Variants in SDSL observed in about 807,000 individuals in gnomAD.
The protein encoded by SDSL is serine dehydratase-like.
Under a neutral mutation model 27.6 loss-of-function variants are expected in SDSL, and 26 were observed. The ratio of observed to expected loss-of-function variants is 0.94; its 90% confidence interval spans 0.69 to 1.31. SDSL has a LOEUF of 1.31. Ranked by LOEUF, SDSL falls within the 50% of genes most tolerant of loss-of-function variation. The pLI is 0.00. For missense variants in SDSL, 431 were observed against 423.5 expected, an observed-to-expected ratio of 1.02 and a Z score of -0.16; for synonymous variants, 196 against 180.6, an observed-to-expected ratio of 1.09 and a Z score of -0.69.
Position 113,438,037 on chromosome 12 carries a change from C to T in SDSL, c.948C>T (p.Ser316=), listed in dbSNP as rs761954854. ...VIVCGGNNIN[S]RELQALKTHL... ...TGTGTGGAGGCAACAACATCAACAG[C>T]CGAGAGCTGCAGGCTTTGAAAACCC... Residue 316 remains serine (S), a synonymous_variant, in exon 8 of 8, where the codon AGC becomes AGT. Transcript: ENST00000403593. 1.2e-6 allele frequency: 2 copies of T among 1,614,120 alleles called. No homozygotes were observed. The highest frequency in any genetic ancestry group is 2.2e-5 in the East Asian group (1 of 44,874).
intron 5 of SDSL, 44 bp downstream of exon 5, chr12:113,434,266 C>T: frequency 6.9e-7 from 1 of 1,443,744 alleles, no homozygotes; most frequent in East Asian, 2.3e-5. Flanking sequence ...AGCTGGGAGA[C>T]CTTCACTGAG....
chr12:113,432,228 CTTT>C (rs1443430367), intron 4 of SDSL, among the ~76,000 whole-genome samples: 7 of 58,170 alleles, frequency 1.2e-4, no homozygotes, highest in African/African-American at 3.0e-4. Context: ...TTCTTTCTTT[CTTT>C]CTTTCTTTCT....
intron 1 of SDSL, chr12:113,422,716 G>C (rs1326455171): frequency 6.6e-6 from 1 of 152,444 alleles, no homozygotes; most frequent in East Asian, 1.9e-4. Flanking sequence ...CTGCCTGCCA[G>C]AGGGGCAGGG....
intron 2 of SDSL, 93 bp from the exon 3 acceptor site, chr12:113,428,327 G>A (rs1046519177): frequency 7.3e-6 from 10 of 1,374,706 alleles, no homozygotes; most frequent in African/African-American, 1.4e-5. Flanking sequence ...AAGGCGTATT[G>A]GGAGTGGGAT....
rs147912751 is a variant in SDSL, at chr12:113,435,532, T to C, written c.647T>C (p.Leu216Pro). 6.8e-4 allele frequency: 1,092 copies of C among 1,613,672 alleles called. 2 individuals are homozygous for C. Among genetic ancestry groups the C allele is most frequent in the South Asian group, 2.0e-3 (179 of 91,022 alleles). Residue 216 changes from leucine (L) to proline (P), a missense_variant, in exon 6 of 8, where the codon CTG becomes CCG. By Grantham distance (98) the Leu-to-Pro change is moderately conservative (BLOSUM62 -3). Coordinates refer to ENST00000403593, the MANE Select transcript of SDSL (RefSeq NM_001304993.2). Reference protein sequence around the residue: ...CFNAAITAGKLVTLPDITSVA... With the variant: ...CFNAAITAGKPVTLPDITSVA... ...AATGCGGCCATCACAGCCGGCAAGC[T>C]GGTCACACTTCCAGACATCACCAGG... is the stretch of plus-strand genomic sequence containing the variant.
At chr12:113,435,581 T>C in intron 6 of SDSL, 25 bp downstream of exon 6, 1 of 1,591,998 alleles carries the variant, frequency 6.3e-7, no homozygotes, top group South Asian at 1.1e-5. Flanking sequence ...GGGACATTTG[T>C]AGGGGCTGGA....
At chr12:113,424,039 C>G (rs1331480826) in intron 1 of SDSL, among the ~76,000 whole-genome samples, 2 of 152,066 alleles carry the variant, frequency 1.3e-5, no homozygotes, top group East Asian at 3.9e-4. Context: ...CAGAGTTTCC[C>G]TCTTACTCTC....
rs1446886471 is a variant in SDSL at position 113,436,847 on chromosome 12, G to A, written c.768G>A (p.Glu256=). 48 of 1,610,720 alleles carry A rather than the reference G, an allele frequency of 3.0e-5. No homozygotes were observed. Among genetic ancestry groups the A allele is most frequent in the Non-Finnish European group, 4.1e-5 (48 of 1,179,232 alleles). Residue 256 remains glutamate (E), a synonymous_variant, in exon 7 of 8, where the codon GAG becomes GAA. Coordinates refer to ENST00000403593, the MANE Select transcript of SDSL (RefSeq NM_001304993.2). ...KIHSEVVEDT[E]AVSAVQQLLD... is the part of the protein sequence containing the mutation. ...ACTCTGAAGTGGTGGAGGACACCGA[G>A]GCTGTGAGCGCTGTGCAGCAGCTCC...
At chr12:113,429,008 A>G (rs75365039) in intron 3 of SDSL, 152 bp from the exon 4 acceptor site, 48,746 of 909,224 alleles carry the variant, frequency 0.054, 2,339 homozygotes, top group African/African-American at 0.22. Flanking sequence ...GCTCAACCTA[A>G]ATTATGTGTC....
intron 5 of SDSL, 119 bp downstream of exon 5, chr12:113,434,341 C>A: frequency 1.4e-6 from 1 of 735,954 alleles, no homozygotes; most frequent in Non-Finnish European, 2.2e-6. Context: ...GCTTCAAAGC[C>A]AGGCAGACAT....
intron 7 of SDSL, among the ~76,000 whole-genome samples, chr12:113,437,610 T>C (rs1958013949): frequency 6.6e-6 from 1 of 152,096 alleles, no homozygotes; most frequent in Admixed American, 6.5e-5. Flanking sequence ...GATATGTTGA[T>C]GGATGGGTAC....
chr12:113,438,000 T>G lies in SDSL; in HGVS notation c.911T>G (p.Val304Gly), dbSNP rs376833694. 91 of 1,614,006 alleles carry G rather than the reference T, an allele frequency of 5.6e-5. No individual in the cohort carries two copies. Among genetic ancestry groups the G allele is most frequent in the Non-Finnish European group, 6.8e-5 (80 of 1,180,002 alleles). Reference sequence around the variant, plus strand: ...TGCCTGCCCCCTTCCCTGACTTCAGTTGTGGTAATCGTGTGTGGAGGCAAC... The same window carrying G: ...TGCCTGCCCCCTTCCCTGACTTCAGGTGTGGTAATCGTGTGTGGAGGCAAC... ...EGCLPPSLTSVVVIVCGGNNI... is the reference protein window; with the variant it reads ...EGCLPPSLTSGVVIVCGGNNI... Residue 304 changes from valine to glycine, a missense_variant, in exon 8 of 8, where the codon GTT becomes GGT. Coordinates refer to ENST00000403593, the MANE Select transcript of SDSL (RefSeq NM_001304993.2).
In SDSL at chr12:113,434,141, A is replaced by G; in HGVS notation, c.362A>G (p.Asp121Gly). ...AEVQLTGKVW[D>G]EANLRAQELA... ...CCCTTGGTTTCTCTGTAGGTCTGGG[A>G]CGAGGCCAATCTGAGGGCGCAAGAG... The change falls in exon 5 of 8, where the codon GAC becomes GGC. Residue 121 changes from aspartate (D) to glycine (G), a missense_variant. Physicochemically the swap from Asp to Gly is moderately conservative, Grantham distance 94 (BLOSUM62 -1). Transcript: ENST00000403593. 6.2e-7 allele frequency: 1 copy of G among 1,613,528 alleles called. No individual in the cohort carries two copies. Among genetic ancestry groups the G allele is most frequent in the Non-Finnish European group, 8.5e-7 (1 of 1,179,724 alleles).
intron 1 of SDSL, chr12:113,426,109 G>A: frequency 4.5e-6 from 2 of 446,456 alleles, no homozygotes; most frequent in South Asian, 3.1e-5. Flanking sequence ...CCCCCTGCTG[G>A]CACCCTTGTC....
chr12:113,435,803 C>G (rs1477478523), intron 6 of SDSL, among the ~76,000 whole-genome samples: 4 of 152,200 alleles, frequency 2.6e-5, no homozygotes, highest in East Asian at 3.8e-4. Flanking sequence ...CAAAAGCAAT[C>G]CATGTGTGTT....
intron 4 of SDSL, 147 bp downstream of exon 4, chr12:113,429,446 A>G (rs1957892805): frequency 2.2e-6 from 2 of 894,598 alleles, no homozygotes; most frequent in Middle Eastern, 3.0e-4. Context: ...TGAGGGGGGA[A>G]TGAGGTGGGA....
At chr12:113,425,521 C>T (rs540139658) in intron 1 of SDSL, 2 of 377,160 alleles carry the variant, frequency 5.3e-6, no homozygotes, top group East Asian at 7.5e-5. Context: ...CAGCGCCCCC[C>T]CTAGCGGCCA....
chr12:113,423,648 G>A lies in SDSL; in HGVS notation c.-22+1171G>A, dbSNP rs186078605. 3.2e-3 allele frequency among the ~76,000 whole-genome samples: 490 copies of A among 152,294 alleles called. 2 individuals are homozygous for A. Among genetic ancestry groups the A allele is most frequent in the African/African-American group, 0.012 (482 of 41,550 alleles). ...TTCCAGCTACTCAGGAAGCTGAGGT[G>A]GGAGGATTGCTTGAGCCCGGGACTT... is the stretch of plus-strand genomic sequence containing the variant. On this transcript the variant is annotated intron_variant, in intron 1 of 7. Coordinates refer to ENST00000403593, the MANE Select transcript of SDSL (RefSeq NM_001304993.2).
At chr12:113,429,498 C>G (rs1957893598) in intron 4 of SDSL, among the ~76,000 whole-genome samples, 199 bp downstream of exon 4, 1 of 152,172 alleles carries the variant, frequency 6.6e-6, no homozygotes, top group African/African-American at 2.4e-5. Context: ...CCTCTGCCCA[C>G]CCTGAGAAGT....
Sources: allele counts gnomAD v4.1 joint callset (sites outside exome capture counted in the v4.1 genomes callset), GRCh38; gene constraint gnomAD v4.1.1; transcripts MANE v1.5; gene names NCBI Gene and HGNC (gene_info 2026-07-23, HGNC 2026-07-21).